Variants in ROBO1 observed in about 807,000 individuals in gnomAD.
The protein encoded by ROBO1 is roundabout guidance receptor 1.
ROBO1 carries 149 observed loss-of-function variants against 195.9 expected under a neutral mutation model. That is an observed-to-expected ratio of 0.76 (90% confidence interval 0.67 to 0.87). ROBO1 has a LOEUF of 0.87. Among genes scored for constraint, ROBO1 ranks in the 40% least tolerant of loss-of-function variants. The probability of loss-of-function intolerance (pLI) is 0.00; values close to 1 mark genes in which losing one functional copy is unlikely to be tolerated. For synonymous variants in ROBO1, 816 were observed against 733.2 expected, an observed-to-expected ratio of 1.11 and a Z score of -1.82; for missense variants, 1,933 against 2,068.3, an observed-to-expected ratio of 0.93 and a Z score of 1.27.
intron 19 of ROBO1, 129 bp downstream of exon 19, chr3:78,651,603 C>T: frequency 1.5e-6 from 1 of 654,330 alleles, no homozygotes; most frequent in South Asian, 2.7e-5. Flanking sequence ...AATAAACGCA[C>T]TTTTGAAAAT....
intron 4 of ROBO1, among the ~76,000 whole-genome samples, chr3:78,802,773 CTT>C (rs1427896292): frequency 6.6e-6 from 1 of 151,884 alleles, no homozygotes; most frequent in Non-Finnish European, 1.5e-5. Context: ...AACAATAAGA[CTT>C]TACATTTTAA....
intron 3 of ROBO1, among the ~76,000 whole-genome samples, chr3:78,943,873 G>A (rs1377014676): frequency 6.6e-6 from 1 of 152,112 alleles, no homozygotes; most frequent in Non-Finnish European, 1.5e-5. Flanking sequence ...TTCTCATAAT[G>A]TATAACCTTC....
chr3:78,702,761 C>A (rs1455725609), intron 8 of ROBO1, among the ~76,000 whole-genome samples: 2 of 152,100 alleles, frequency 1.3e-5, no homozygotes, highest in East Asian at 3.9e-4. Flanking sequence ...TATAATTGGG[C>A]AGTGAGAAAA....
chr3:79,493,751 G>T (rs1939589695), intron 2 of ROBO1, among the ~76,000 whole-genome samples: 1 of 151,782 alleles, frequency 6.6e-6, no homozygotes, highest in African/African-American at 2.4e-5. Context: ...ATGGAATACT[G>T]GAGATATTTT....
chr3:78,630,568 T>C (rs1445398881), intron 25 of ROBO1, among the ~76,000 whole-genome samples: 1 of 152,190 alleles, frequency 6.6e-6, no homozygotes, highest in Non-Finnish European at 1.5e-5. Flanking sequence ...TTGGTTATGT[T>C]AAAGAAGCAG....
intron 3 of ROBO1, among the ~76,000 whole-genome samples, chr3:79,049,567 G>C (rs1401114974): frequency 6.6e-6 from 1 of 151,978 alleles, no homozygotes; most frequent in Non-Finnish European, 1.5e-5. Flanking sequence ...GATACTCCTC[G>C]AGAAGAGCAA....
chr3:78,848,948 G>A lies in ROBO1; in HGVS notation c.499+89653C>T, dbSNP rs73114764. Among the ~76,000 whole-genome samples the A allele has an allele frequency of 5.4e-3, 817 of 152,198 alleles. 6 individuals carry two copies. The highest frequency in any genetic ancestry group is 0.01 in the Middle Eastern group (3 of 294). Reference sequence around the variant, plus strand: ...TGGTGGCTCGGTCTACCATAGTAATGGTGGTGGAAAATCAGGATGAGAGGC... The same window carrying A: ...TGGTGGCTCGGTCTACCATAGTAATAGTGGTGGAAAATCAGGATGAGAGGC... On this transcript the variant is annotated intron_variant, in intron 4 of 30. Transcript: ENST00000464233.
chr3:78,778,075 G>C (rs1477751059), intron 4 of ROBO1, among the ~76,000 whole-genome samples: 1 of 152,140 alleles, frequency 6.6e-6, no homozygotes, highest in African/African-American at 2.4e-5. Flanking sequence ...GGCCTTTTCT[G>C]CATCTATTGA....
chr3:79,333,112 C>A (rs570522987), intron 2 of ROBO1, among the ~76,000 whole-genome samples: 7 of 150,574 alleles, frequency 4.6e-5, no homozygotes, highest in Admixed American at 4.6e-4. Flanking sequence ...CTTAGACAGG[C>A]GAATTGCTTG....
intron 2 of ROBO1, among the ~76,000 whole-genome samples, chr3:79,295,631 G>C (rs1187177348): frequency 2.0e-5 from 3 of 151,840 alleles, no homozygotes; most frequent in South Asian, 2.1e-4. Flanking sequence ...TCTCACAAAT[G>C]CTTCTTGAAA....
intron 2 of ROBO1, among the ~76,000 whole-genome samples, chr3:79,453,251 C>G (rs1224619659): frequency 6.6e-6 from 1 of 151,950 alleles, no homozygotes; most frequent in Non-Finnish European, 1.5e-5. Flanking sequence ...AACACCTGAG[C>G]CATCAAATGC....
chr3:79,056,576 C>G (rs1458239658), intron 3 of ROBO1, among the ~76,000 whole-genome samples: 4 of 152,038 alleles, frequency 2.6e-5, no homozygotes, highest in African/African-American at 9.7e-5. Context: ...TCTTGGGTAA[C>G]ATTAATTATT....
intron 1 of ROBO1, among the ~76,000 whole-genome samples, chr3:79,637,268 C>T (rs138417384): frequency 5.0e-4 from 76 of 151,736 alleles, no homozygotes; most frequent in African/African-American, 1.6e-3. Context: ...TATAAAAGAT[C>T]ACAGGGAGAG....
At chr3:78,715,728 G>A (rs1250473055) in intron 7 of ROBO1, among the ~76,000 whole-genome samples, 2 of 152,040 alleles carry the variant, frequency 1.3e-5, no homozygotes, top group Non-Finnish European at 2.9e-5. Context: ...TAGAGACAAG[G>A]TTTCACCATG....
At chr3:79,254,708 T>TA (rs2082796757) in intron 2 of ROBO1, among the ~76,000 whole-genome samples, 1 of 152,170 alleles carries the variant, frequency 6.6e-6, no homozygotes, top group South Asian at 2.1e-4. Flanking sequence ...GCTCTCCTGT[T>TA]AGCTATGTAA....
chr3:79,212,693 A>T (rs2081986159), intron 2 of ROBO1, among the ~76,000 whole-genome samples: 1 of 151,908 alleles, frequency 6.6e-6, no homozygotes. Context: ...GGTGGCAGAC[A>T]CCTGCAGTCC....
chr3:79,594,909 C>G (rs367702484), intron 1 of ROBO1, among the ~76,000 whole-genome samples: 1 of 151,776 alleles, frequency 6.6e-6, no homozygotes, highest in Non-Finnish European at 1.5e-5. Context: ...GTCTAATTTG[C>G]AAGAAATTAG....
intron 3 of ROBO1, among the ~76,000 whole-genome samples, chr3:79,122,319 C>G (rs965337310): frequency 6.6e-6 from 1 of 151,992 alleles, no homozygotes; most frequent in Non-Finnish European, 1.5e-5. Flanking sequence ...TAACATACCA[C>G]AGTGCTACCT....
intron 2 of ROBO1, among the ~76,000 whole-genome samples, chr3:79,346,558 C>A (rs2035128402): frequency 6.6e-6 from 1 of 152,006 alleles, no homozygotes; most frequent in African/African-American, 2.4e-5. Flanking sequence ...GGACAGCTAT[C>A]TAAGTGAAAA....
Sources: allele counts gnomAD v4.1 joint callset (sites outside exome capture counted in the v4.1 genomes callset), GRCh38; gene constraint gnomAD v4.1.1; transcripts MANE v1.5; gene names NCBI Gene and HGNC (gene_info 2026-07-23, HGNC 2026-07-21).